The following ITPR2 variants were observed in gnomAD, a reference collection of about 807,000 sequenced individuals.
The protein encoded by ITPR2 is inositol 1,4,5-trisphosphate-gated calcium channel ITPR2.
In ITPR2, 207 loss-of-function variants were observed where a neutral mutation model predicts 317.1. The observed-to-expected ratio is 0.65, with a 90% CI of 0.58 to 0.73. The LOEUF (loss-of-function observed/expected upper bound fraction) is 0.73, where lower values mean the gene tolerates loss of function less well. Among genes scored for constraint, ITPR2 ranks in the 30% least tolerant of loss-of-function variants. The pLI, the probability that ITPR2 is intolerant of heterozygous loss-of-function variation, is 0.00. For synonymous variants in ITPR2, 1,156 were observed against 1,149.1 expected, an observed-to-expected ratio of 1.01 and a Z score of -0.12; for missense variants, 2,613 against 3,284.0, an observed-to-expected ratio of 0.80 and a Z score of 4.99.
At chr12:26,467,006 A>T (rs1942184763) in intron 45 of ITPR2, among the ~76,000 whole-genome samples, 1 of 152,228 alleles carries the variant, frequency 6.6e-6, no homozygotes, top group Non-Finnish European at 1.5e-5. Flanking sequence ...GCATCTACAA[A>T]TAAAGTAAAT....
chr12:26,513,542 CCT>C (rs150495475), intron 37 of ITPR2, among the ~76,000 whole-genome samples: 44 of 149,438 alleles, frequency 2.9e-4, no homozygotes, highest in East Asian at 5.9e-4. Flanking sequence ...TTTGTTCAGA[CCT>C]CTCTCTCTCT....
chr12:26,527,435 C>T (rs1943836776), intron 37 of ITPR2, among the ~76,000 whole-genome samples: 1 of 152,176 alleles, frequency 6.6e-6, no homozygotes, highest in Non-Finnish European at 1.5e-5. Context: ...CAGTATAGTT[C>T]TGGTATAGCT....
At chr12:26,537,263 T>C (rs988594821) in intron 37 of ITPR2, among the ~76,000 whole-genome samples, 1 of 152,188 alleles carries the variant, frequency 6.6e-6, no homozygotes, top group Non-Finnish European at 1.5e-5. Context: ...GAGTGGGCAG[T>C]GGGCCTAGTA....
At chr12:26,356,182 G>A (rs1458589416) in intron 55 of ITPR2, among the ~76,000 whole-genome samples, 2 of 152,180 alleles carry the variant, frequency 1.3e-5, no homozygotes, top group African/African-American at 4.8e-5. Flanking sequence ...GTACAGGGTG[G>A]TGCACAGCTG....
chr12:26,622,958 A>G (rs1946533682), intron 24 of ITPR2, among the ~76,000 whole-genome samples: 1 of 152,262 alleles, frequency 6.6e-6, no homozygotes, highest in Admixed American at 6.5e-5. Flanking sequence ...CTCCTAGGGA[A>G]TAATGAAATT....
chr12:26,520,478 C>T (rs934003438), intron 37 of ITPR2, among the ~76,000 whole-genome samples: 8 of 152,160 alleles, frequency 5.3e-5, no homozygotes, highest in African/African-American at 1.9e-4. Context: ...ACAACTAACC[C>T]AGTCTGTAGT....
At chr12:26,787,922 CTT>C (rs71069268) in intron 2 of ITPR2, among the ~76,000 whole-genome samples, 25 of 120,182 alleles carry the variant, frequency 2.1e-4, no homozygotes, top group Admixed American at 6.0e-4. Context: ...GGTGACTATC[CTT>C]TTTTTTTTTT....
chr12:26,628,205 A>G, intron 22 of ITPR2, 43 bp from the exon 23 acceptor site: 1 of 1,501,736 alleles, frequency 6.7e-7, no homozygotes, highest in Non-Finnish European at 9.1e-7. Context: ...TTTCATTAGC[A>G]TAGTATTTAA....
At chr12:26,586,030 A>G (rs982265549) in intron 32 of ITPR2, among the ~76,000 whole-genome samples, 1 of 151,944 alleles carries the variant, frequency 6.6e-6, no homozygotes, top group Non-Finnish European at 1.5e-5. Flanking sequence ...GGTTTTTCCC[A>G]TTTTCTTATT....
intron 37 of ITPR2, among the ~76,000 whole-genome samples, chr12:26,532,649 G>T (rs895294285): frequency 6.6e-6 from 1 of 152,092 alleles, no homozygotes; most frequent in Non-Finnish European, 1.5e-5. Flanking sequence ...GCACACAATG[G>T]ACTGTAATGA....
intron 37 of ITPR2, among the ~76,000 whole-genome samples, chr12:26,506,093 T>G (rs1399035086): frequency 6.6e-6 from 1 of 151,832 alleles, no homozygotes; most frequent in African/African-American, 2.4e-5. Flanking sequence ...TATTACATTG[T>G]ATTACTGGCT....
intron 23 of ITPR2, among the ~76,000 whole-genome samples, chr12:26,625,591 C>T (rs1260253721): frequency 1.3e-5 from 2 of 152,018 alleles, no homozygotes; most frequent in Non-Finnish European, 2.9e-5. Context: ...TAATGTATTG[C>T]TGTAATCAAA....
At chr12:26,434,688 A>T (rs752318295) in intron 48 of ITPR2, among the ~76,000 whole-genome samples, 31 of 152,136 alleles carry the variant, frequency 2.0e-4, no homozygotes, top group Non-Finnish European at 3.8e-4. Context: ...CTACTCTAAG[A>T]TATGTCATTT....
At chr12:26,453,585 C>T (rs1941796496) in intron 45 of ITPR2, among the ~76,000 whole-genome samples, 1 of 152,202 alleles carries the variant, frequency 6.6e-6, no homozygotes, top group Admixed American at 6.5e-5. Context: ...GGAAAACAGA[C>T]ATCTCTTTGA....
intron 26 of ITPR2, among the ~76,000 whole-genome samples, chr12:26,619,665 G>A (rs1946451342): frequency 6.6e-6 from 1 of 152,078 alleles, no homozygotes; most frequent in Admixed American, 6.6e-5. Context: ...AGAAAGACTG[G>A]TTTCAAAACT....
chr12:26,751,033 C>T (rs1949405332), intron 2 of ITPR2, among the ~76,000 whole-genome samples: 1 of 152,122 alleles, frequency 6.6e-6, no homozygotes, highest in Non-Finnish European at 1.5e-5. Context: ...AAGACCAGGG[C>T]AGGGGGTTCA....
At chr12:26,359,455 G>A (rs1364045099) in intron 55 of ITPR2, among the ~76,000 whole-genome samples, 3 of 152,160 alleles carry the variant, frequency 2.0e-5, no homozygotes. Flanking sequence ...CTGAATCCCA[G>A]CCTCACCTCT....
intron 2 of ITPR2, among the ~76,000 whole-genome samples, chr12:26,775,959 T>TACATACATATATATATATATATACATA (rs1263788006): frequency 6.9e-6 from 1 of 145,090 alleles, no homozygotes; most frequent in Non-Finnish European, 1.5e-5. Flanking sequence ...TATATGTATA[T>TACATACATATATATATATATATACATA]CCTATTAGTT....
rs996679511 is a variant in ITPR2 at position 26,461,984 on chromosome 12, C to T, written c.6342+13312G>A. On this transcript the variant is annotated intron_variant, in intron 45 of 56. Coordinates refer to ENST00000381340, the MANE Select transcript of ITPR2 (RefSeq NM_002223.4). Reference sequence around the variant, plus strand: ...TTTTTTTTTAGATCAACTATTTTGTCTTTCAGCATTAGTTTGTCACAATGG... The same window carrying T: ...TTTTTTTTTAGATCAACTATTTTGTTTTTCAGCATTAGTTTGTCACAATGG... 2.2e-3 allele frequency among the ~76,000 whole-genome samples: 288 copies of T among 133,880 alleles called. 1 individual carries two copies. The highest frequency in any genetic ancestry group is 2.0e-3 in the Non-Finnish European group (124 of 62,694). 87.8% of individuals were successfully genotyped at this position (133,880 alleles called of 152,430 possible).
Sources: allele counts gnomAD v4.1 joint callset (sites outside exome capture counted in the v4.1 genomes callset), GRCh38; gene constraint gnomAD v4.1.1; transcripts MANE v1.5; gene names NCBI Gene and HGNC (gene_info 2026-07-23, HGNC 2026-07-21).